RAB2A: variants seen among roughly 807,000 people sequenced by gnomAD.
RAB2A encodes RAB2A, member RAS oncogene family, also known as ras-related protein Rab-2A.
A neutral mutation model predicts 32.5 loss-of-function variants in RAB2A; 7 were observed. The ratio of observed to expected loss-of-function variants is 0.22; its 90% CI spans 0.12 to 0.40. RAB2A has a LOEUF of 0.40. Ranked by LOEUF, RAB2A falls within the 10% of genes least tolerant of loss-of-function variation. The pLI is 1.00. For synonymous variants in RAB2A, 79 were observed against 85.2 expected (o/e 0.93, Z 0.40); for missense variants, 108 against 260.7 (o/e 0.41, Z 4.03).
At chr8:60,580,169 G>A (rs6993019) in intron 3 of RAB2A, among the ~76,000 whole-genome samples, 58,552 of 151,192 alleles carry the variant, frequency 0.39, 11,417 homozygotes, top group East Asian at 0.55. Context: ...GCTAATTTTT[G>A]TATTTTTTAG....
rs1804542795 is a variant in RAB2A, at chr8:60,622,411, G to A, written c.*1642G>A. On this transcript the variant is annotated 3_prime_UTR_variant, in exon 8 of 8. Transcript: ENST00000262646. ...AGTTTTGTTTTAACTGTCTCCTTGA[G>A]GGCAGAGGGAAGGGTGAGAGAAAAT... 1 of 152,178 alleles carries A rather than the reference G, an allele frequency of 6.6e-6. No homozygotes were observed. Among genetic ancestry groups the A allele is most frequent in the Non-Finnish European group, 1.5e-5 (1 of 68,050 alleles). 9.4% of individuals were successfully genotyped at this position (152,178 alleles called of 1,614,324 possible). A position where few individuals can be genotyped will look rare whatever the true frequency, so the allele number is the denominator to read the frequency against.
chr8:60,566,235 A>G (rs1365455327), intron 2 of RAB2A, among the ~76,000 whole-genome samples: 1 of 152,184 alleles, frequency 6.6e-6, no homozygotes, highest in Non-Finnish European at 1.5e-5. Context: ...TTCCCCACTG[A>G]TGTATCAAAG....
At chr8:60,572,641 T>C (rs2130840801) in intron 3 of RAB2A, among the ~76,000 whole-genome samples, 1 of 152,336 alleles carries the variant, frequency 6.6e-6, no homozygotes, top group East Asian at 1.9e-4. Context: ...TTTGAGTGAC[T>C]GTTTTCTCTA....
intron 1 of RAB2A, among the ~76,000 whole-genome samples, chr8:60,517,566 A>G (rs897123981): frequency 1.3e-5 from 2 of 152,076 alleles, no homozygotes; most frequent in African/African-American, 4.8e-5. Flanking sequence ...GGCCCGACTC[A>G]CATGACTGCA....
intron 1 of RAB2A, among the ~76,000 whole-genome samples, chr8:60,531,144 TCA>T (rs1807470898): frequency 6.6e-6 from 1 of 152,230 alleles, no homozygotes; most frequent in African/African-American, 2.4e-5. Flanking sequence ...AGTTGATATA[TCA>T]GTGTCAGTGG....
rs148794930 is a variant in RAB2A, at chr8:60,518,302, C to T, written c.46+1049C>T. Among the ~76,000 whole-genome samples the T allele has an allele frequency of 1.1e-3, 163 of 152,236 alleles. 6 individuals are homozygous for T. The East Asian group carries it at 0.027, about 25-fold the overall frequency. On this transcript the variant is annotated intron_variant, in intron 1 of 7. Transcript: ENST00000262646. ...CAACTTTGGACCCTTTGCACAACTT[C>T]GGTCATGTAAGCAGCAGTTTGTAGT...
chr8:60,570,430 A>G (rs545452872), intron 2 of RAB2A, among the ~76,000 whole-genome samples: 4 of 152,298 alleles, frequency 2.6e-5, no homozygotes, highest in Non-Finnish European at 5.9e-5. Flanking sequence ...TTCAAAGAAC[A>G]TCTGTATCTT....
intron 3 of RAB2A, among the ~76,000 whole-genome samples, chr8:60,572,421 GA>G (rs1157538280): frequency 3.9e-5 from 6 of 152,226 alleles, no homozygotes; most frequent in African/African-American, 1.4e-4. Flanking sequence ...GTACACATAG[GA>G]AGTAAAATAA....
At chr8:60,564,325 G>A (rs1167202645) in intron 2 of RAB2A, among the ~76,000 whole-genome samples, 1 of 152,102 alleles carries the variant, frequency 6.6e-6, no homozygotes, top group African/African-American at 2.4e-5. Context: ...TAAGTTCTTA[G>A]CCAGGGCCTA....
At chr8:60,565,299 G>C (rs1455114115) in intron 2 of RAB2A, among the ~76,000 whole-genome samples, 2 of 151,642 alleles carry the variant, frequency 1.3e-5, no homozygotes, top group African/African-American at 4.8e-5. Context: ...CACACCTGTA[G>C]CCCCAGCTAC....
intron 6 of RAB2A, among the ~76,000 whole-genome samples, chr8:60,607,264 C>G (rs559758390): frequency 6.6e-6 from 1 of 150,938 alleles, no homozygotes; most frequent in East Asian, 1.9e-4. Context: ...CCTGTCTCTA[C>G]TAAAAATACA....
At chr8:60,558,694 A>C in intron 1 of RAB2A, 158 bp from the exon 2 acceptor site, 1 of 673,156 alleles carries the variant, frequency 1.5e-6, no homozygotes, top group South Asian at 1.6e-5. Context: ...CTAAATCATC[A>C]GTCCTCTTAT....
At chr8:60,597,806 C>T (rs1489442853) in intron 6 of RAB2A, among the ~76,000 whole-genome samples, 2 of 152,126 alleles carry the variant, frequency 1.3e-5, no homozygotes, top group Non-Finnish European at 2.9e-5. Flanking sequence ...GCAAAACTGA[C>T]AGAAAAGGTG....
At chr8:60,566,581 G>A (rs1448520106) in intron 2 of RAB2A, among the ~76,000 whole-genome samples, 1 of 151,856 alleles carries the variant, frequency 6.6e-6, no homozygotes, top group Non-Finnish European at 1.5e-5. Flanking sequence ...ATTCTATTTG[G>A]TATGTGGTCA....
At chr8:60,602,455 A>T (rs1486214710) in intron 6 of RAB2A, among the ~76,000 whole-genome samples, 1 of 152,222 alleles carries the variant, frequency 6.6e-6, no homozygotes, top group Non-Finnish European at 1.5e-5. Context: ...TTCAACAAGT[A>T]ATATTGGAAA....
chr8:60,583,682 C>A (rs1056050709), intron 3 of RAB2A, among the ~76,000 whole-genome samples: 2 of 152,206 alleles, frequency 1.3e-5, no homozygotes, highest in Non-Finnish European at 2.9e-5. Context: ...CTGATAAAAT[C>A]TGCATCCTTG....
intron 6 of RAB2A, among the ~76,000 whole-genome samples, chr8:60,599,530 A>G (rs1804094616): frequency 6.6e-6 from 1 of 152,216 alleles, no homozygotes; most frequent in Non-Finnish European, 1.5e-5. Context: ...ATTGATTTCA[A>G]GTTTTGCTTA....
chr8:60,547,583 AC>A (rs1262151648), intron 1 of RAB2A, among the ~76,000 whole-genome samples: 2 of 119,538 alleles, frequency 1.7e-5, no homozygotes, highest in African/African-American at 6.1e-5. Flanking sequence ...GGGGCTCCTC[AC>A]TTCCCAGTAG....
chr8:60,598,901 A>AACATATTG (rs1397416009), intron 6 of RAB2A, among the ~76,000 whole-genome samples: 1 of 148,870 alleles, frequency 6.7e-6, no homozygotes, highest in Non-Finnish European at 1.5e-5. Context: ...AACATTAATC[A>AACATATTG]ACATATTGAT....
Sources: gnomAD v4.1 joint callset for allele counts (sites outside exome capture counted in the v4.1 genomes callset) on GRCh38, gnomAD v4.1.1 for gene constraint, MANE v1.5 for transcripts, NCBI Gene and HGNC (gene_info 2026-07-23, HGNC 2026-07-21) for gene names.